The following TEX2 variants were observed in gnomAD, a reference collection of about 807,000 sequenced individuals.
TEX2 encodes testis expressed 2, also known as testis-expressed protein 2.
A neutral mutation model predicts 106.9 loss-of-function variants in TEX2; 53 were observed. The observed-to-expected ratio is 0.50, with a 90% CI of 0.40 to 0.62. The LOEUF is 0.62. Among genes scored for constraint, TEX2 ranks in the 20% least tolerant of loss-of-function variants. The probability of loss-of-function intolerance (pLI) is 0.00; values close to 1 mark genes in which losing one functional copy is unlikely to be tolerated. For missense variants in TEX2, 1,207 were observed against 1,379.0 expected, an observed-to-expected ratio of 0.88 and a Z score of 1.98; for synonymous variants, 523 against 534.8, an observed-to-expected ratio of 0.98 and a Z score of 0.30.
intron 1 of TEX2, 83 bp from the exon 2 acceptor site, chr17:64,214,325 G>T: frequency 8.4e-7 from 1 of 1,196,074 alleles, no homozygotes; most frequent in Non-Finnish European, 1.2e-6. Flanking sequence ...GAGCACAGAT[G>T]AAGCTGTTTA....
In TEX2 at chr17:64,213,793, C is replaced by G; in HGVS notation, c.425G>C (p.Gly142Ala). 6.2e-7 allele frequency: 1 copy of G among 1,614,100 alleles called. No individual in the cohort carries two copies. Among genetic ancestry groups the G allele is most frequent in the Non-Finnish European group, 8.5e-7 (1 of 1,180,008 alleles). The stretch of plus-strand genomic sequence containing the variant: ...CACACTGGGAGAGCTAGCTAAGGGC[C>G]CCGACGAAGACGACCCTGGGGACAC... The part of the protein sequence containing the change: ...LAVSPGSSSS[G>A]PLASSPSVSS... Residue 142 changes from glycine (G) to alanine (A), a missense_variant, in exon 2 of 12, where the codon GGG becomes GCG. Physicochemically the swap from Gly to Ala is moderately conservative, Grantham distance 60. Coordinates refer to ENST00000584379, the MANE Select transcript of TEX2 (RefSeq NM_001288732.2). The surrounding 1 kb of genome is among the most constrained non-coding windows in gnomAD (Gnocchi z 4.4).
chr17:64,246,276 C>T (rs1053803698), intron 1 of TEX2, among the ~76,000 whole-genome samples: 1 of 152,154 alleles, frequency 6.6e-6, no homozygotes, highest in Non-Finnish European at 1.5e-5. Context: ...GACAGAGTCT[C>T]GCTCTGTTGC....
intron 2 of TEX2, among the ~76,000 whole-genome samples, chr17:64,197,897 T>C (rs1415531026): frequency 1.3e-5 from 2 of 152,196 alleles, no homozygotes; most frequent in Admixed American, 1.3e-4. Flanking sequence ...AATTTCCCTC[T>C]AGGCACTGTA....
At chr17:64,207,081 A>G (rs1052964138) in intron 2 of TEX2, among the ~76,000 whole-genome samples, 2 of 152,256 alleles carry the variant, frequency 1.3e-5, no homozygotes, top group Admixed American at 6.5e-5. Flanking sequence ...ACCCTGATAA[A>G]GTACACAAAA....
chr17:64,258,238 T>C (rs539816118), intron 1 of TEX2, among the ~76,000 whole-genome samples: 3 of 152,260 alleles, frequency 2.0e-5, no homozygotes, highest in East Asian at 3.9e-4. Context: ...ATTAGTTATA[T>C]TGTTAATCTC....
At chr17:64,251,381 T>A (rs1403734468) in intron 1 of TEX2, among the ~76,000 whole-genome samples, 1 of 152,184 alleles carries the variant, frequency 6.6e-6, no homozygotes, top group Admixed American at 6.5e-5. Context: ...TTACTATACA[T>A]TAATACAAAT....
intron 8 of TEX2, among the ~76,000 whole-genome samples, chr17:64,157,072 G>A (rs1395221346): frequency 2.0e-5 from 3 of 152,162 alleles, no homozygotes; most frequent in Non-Finnish European, 4.4e-5. Context: ...TCTGCTCTCC[G>A]CGCTGGGGGC....
At chr17:64,229,442 A>G (rs1485708750) in intron 1 of TEX2, among the ~76,000 whole-genome samples, 1 of 151,732 alleles carries the variant, frequency 6.6e-6, no homozygotes, top group Admixed American at 6.6e-5. Flanking sequence ...TACTTTGTCT[A>G]TTGTATGTGT....
chr17:64,192,582 C>G (rs1030691053), intron 4 of TEX2, among the ~76,000 whole-genome samples: 10 of 152,300 alleles, frequency 6.6e-5, no homozygotes, highest in African/African-American at 2.4e-4. Flanking sequence ...GTATTTTGTC[C>G]CAGCAGCCCT....
chr17:64,241,611 AT>A (rs1183429980), intron 1 of TEX2, among the ~76,000 whole-genome samples: 1 of 152,114 alleles, frequency 6.6e-6, no homozygotes, highest in Non-Finnish European at 1.5e-5. Context: ...GGGCCTCCTC[AT>A]CCCTTATTAT....
rs533808797 is a variant in TEX2, at chr17:64,163,667, G to A, written c.2672-2734C>T. On this transcript the variant is annotated intron_variant, in intron 7 of 11. Coordinates refer to ENST00000584379, the MANE Select transcript of TEX2 (RefSeq NM_001288732.2). The stretch of plus-strand genomic sequence containing the variant: ...CTTGGAGCAAAGACCAACCGGTTAC[G>A]TGACAGGTGAGTCAGGAGGCCCCTG... 2.6e-5 allele frequency among the ~76,000 whole-genome samples: 4 copies of A among 152,304 alleles called. No homozygotes were observed. The East Asian group carries it at 5.8e-4, about 22-fold the overall frequency.
chr17:64,206,303 A>G (rs1163325401), intron 2 of TEX2, among the ~76,000 whole-genome samples: 3 of 152,166 alleles, frequency 2.0e-5, no homozygotes, highest in Non-Finnish European at 4.4e-5. Context: ...GCCTTGAGCT[A>G]ACCTGCCCAG....
At chr17:64,154,810 A>T in intron 9 of TEX2, 32 bp downstream of exon 9, 1 of 1,537,006 alleles carries the variant, frequency 6.5e-7, no homozygotes, top group Non-Finnish European at 8.8e-7. Context: ...ATCCCTGGAG[A>T]CTCAGAGGCA....
intron 1 of TEX2, among the ~76,000 whole-genome samples, chr17:64,232,363 G>A (rs2033677946): frequency 6.6e-6 from 1 of 152,058 alleles, no homozygotes; most frequent in African/African-American, 2.4e-5. Flanking sequence ...TTGGCCACAT[G>A]TTTTTCAATA....
intron 1 of TEX2, among the ~76,000 whole-genome samples, chr17:64,216,745 G>A (rs557960240): frequency 6.6e-6 from 1 of 152,304 alleles, no homozygotes; most frequent in East Asian, 1.9e-4. Flanking sequence ...GTTATTTTTC[G>A]TGTGGAGGTC....
chr17:64,172,376 C>T (rs940752982), intron 6 of TEX2, among the ~76,000 whole-genome samples: 1 of 151,136 alleles, frequency 6.6e-6, no homozygotes, highest in Non-Finnish European at 1.5e-5. Context: ...AGAAAAATAG[C>T]ACATCCTTTG....
chr17:64,177,290 A>T (rs542536445), intron 6 of TEX2, 35 bp downstream of exon 6: 1 of 1,611,388 alleles, frequency 6.2e-7, no homozygotes, highest in African/African-American at 1.3e-5. Flanking sequence ...GAAGAAGTAT[A>T]GAGGATTAGA....
At chr17:64,227,799 G>T (rs530318274) in intron 1 of TEX2, among the ~76,000 whole-genome samples, 83 of 152,272 alleles carry the variant, frequency 5.5e-4, no homozygotes, top group African/African-American at 1.9e-3. Context: ...TGTAAAATGG[G>T]AATGGCAACT....
intron 11 of TEX2, 179 bp downstream of exon 11, chr17:64,150,662 G>T: frequency 1.8e-6 from 1 of 563,478 alleles, no homozygotes; most frequent in Non-Finnish European, 2.9e-6. Context: ...AAGTTTCAGG[G>T]CTTTGATACT....
Sources: gnomAD v4.1 joint callset for allele counts (sites outside exome capture counted in the v4.1 genomes callset) on GRCh38, gnomAD v4.1.1 for gene constraint, Gnocchi (gnomAD v3.1) non-coding constraint, MANE v1.5 for transcripts, NCBI Gene and HGNC (gene_info 2026-07-23, HGNC 2026-07-21) for gene names.